Variants in CCDC102B observed in about 807,000 individuals in gnomAD.
CCDC102B encodes the protein coiled-coil domain containing 102B.
A neutral mutation model predicts 57.4 loss-of-function variants in CCDC102B; 75 were observed. The observed-to-expected ratio is 1.31, with a 90% CI of 1.08 to 1.58. CCDC102B has a LOEUF of 1.58. Among genes scored for constraint, CCDC102B ranks in the 40% most tolerant of loss-of-function variants. CCDC102B has a pLI of 0.00. For synonymous variants in CCDC102B, 206 were observed against 201.9 expected, an observed-to-expected ratio of 1.02 and a Z score of -0.17; for missense variants, 636 against 582.6, an observed-to-expected ratio of 1.09 and a Z score of -0.94.
intron 6 of CCDC102B, among the ~76,000 whole-genome samples, chr18:68,904,012 T>C (rs1201719142): frequency 6.6e-6 from 1 of 152,226 alleles, no homozygotes; most frequent in Non-Finnish European, 1.5e-5. Context: ...GGCAAACCTA[T>C]CAATTTGTTA....
intron 4 of CCDC102B, among the ~76,000 whole-genome samples, chr18:68,862,202 A>G (rs150351499): frequency 3.3e-5 from 5 of 152,340 alleles, no homozygotes; most frequent in African/African-American, 9.6e-5. Flanking sequence ...TGAATTATCT[A>G]TTGACCATGT....
intron 6 of CCDC102B, among the ~76,000 whole-genome samples, chr18:68,969,215 A>G (rs1047799635): frequency 3.3e-5 from 5 of 152,154 alleles, no homozygotes; most frequent in African/African-American, 1.2e-4. Flanking sequence ...GACTGAATCC[A>G]GACACCTCAT....
intron 6 of CCDC102B, among the ~76,000 whole-genome samples, chr18:68,990,314 G>A (rs1384690161): frequency 6.6e-6 from 1 of 152,122 alleles, no homozygotes; most frequent in Admixed American, 6.5e-5. Flanking sequence ...GCATTTCCTT[G>A]TGAATCTTCC....
At chr18:68,973,766 C>T (rs2050361045) in intron 6 of CCDC102B, among the ~76,000 whole-genome samples, 1 of 151,900 alleles carries the variant, frequency 6.6e-6, no homozygotes, top group African/African-American at 2.4e-5. Flanking sequence ...TATGTTTGTA[C>T]AAACAGTGTA....
intron 6 of CCDC102B, among the ~76,000 whole-genome samples, chr18:68,939,044 A>G (rs1251431434): frequency 1.3e-5 from 2 of 151,814 alleles, no homozygotes; most frequent in Admixed American, 1.3e-4. Context: ...TTTCTCTTGC[A>G]ACTAAACCTT....
At chr18:68,817,602 G>A (rs2036534119) in intron 1 of CCDC102B, among the ~76,000 whole-genome samples, 1 of 152,192 alleles carries the variant, frequency 6.6e-6, no homozygotes, top group Non-Finnish European at 1.5e-5. Context: ...AGCAGGCCCA[G>A]ACAATCTTGT....
intron 7 of CCDC102B, among the ~76,000 whole-genome samples, chr18:69,013,028 A>G (rs1318829766): frequency 6.7e-6 from 1 of 149,476 alleles, no homozygotes; most frequent in East Asian, 1.9e-4. Context: ...ATATCTACCT[A>G]AAGGAAAAAA....
At chr18:68,907,822 G>A (rs1470599442) in intron 6 of CCDC102B, among the ~76,000 whole-genome samples, 1 of 152,102 alleles carries the variant, frequency 6.6e-6, no homozygotes. Flanking sequence ...CTAGTACAAC[G>A]TTAAACAGCA....
chr18:69,043,412 G>C (rs972557758), intron 7 of CCDC102B, among the ~76,000 whole-genome samples: 1 of 152,018 alleles, frequency 6.6e-6, no homozygotes, highest in Admixed American at 6.6e-5. Flanking sequence ...TGGGTGTCGG[G>C]CTTGGGGACG....
rs928190555 is a variant in CCDC102B at position 68,931,513 on chromosome 18, A to G, written c.1263+34085A>G. Among the ~76,000 whole-genome samples the G allele has an allele frequency of 3.3e-5, 5 of 151,864 alleles. No homozygotes were observed. In the East Asian group the frequency reaches 7.8e-4, roughly 24 times the overall value. ...TTCGGTTGGGGGGTGTGAGAGGTGGAAACAATGTTACAGTAGTCTGTGGTC... is the reference window on the plus strand; with the variant it reads ...TTCGGTTGGGGGGTGTGAGAGGTGGGAACAATGTTACAGTAGTCTGTGGTC... On this transcript the variant is annotated intron_variant, in intron 6 of 7. Transcript: ENST00000360242.
At chr18:68,842,927 G>A (rs1256270661) in intron 3 of CCDC102B, among the ~76,000 whole-genome samples, 1 of 152,146 alleles carries the variant, frequency 6.6e-6, no homozygotes, top group African/African-American at 2.4e-5. Context: ...GACAGAGGAG[G>A]TTACAGGCAG....
At chr18:68,824,279 A>G (rs563874512) in intron 1 of CCDC102B, among the ~76,000 whole-genome samples, 3 of 152,330 alleles carry the variant, frequency 2.0e-5, no homozygotes, top group South Asian at 4.1e-4. Context: ...ATGGCTAGCC[A>G]GTTATCCCAG....
rs1393334746 is a variant in CCDC102B, at chr18:69,054,010, A to G, written c.1435-20A>G. On this transcript the variant is annotated intron_variant, in intron 7 of 7. Transcript: ENST00000360242. ...TAGAACACTTGAACCTAACTAAAGC[A>G]TTTTCTACTTCGCTTTCAGCTTGAT... 8.8e-6 allele frequency: 14 copies of G among 1,594,096 alleles called. No homozygotes were observed. The highest frequency in any genetic ancestry group is 1.2e-5 in the Non-Finnish European group (14 of 1,173,462).
intron 4 of CCDC102B, among the ~76,000 whole-genome samples, chr18:68,847,625 C>T (rs1758050740): frequency 6.6e-6 from 1 of 151,504 alleles, no homozygotes; most frequent in African/African-American, 2.4e-5. Context: ...CTTTTGGTAG[C>T]AAAGTAAGTG....
At chr18:68,973,591 C>T (rs1353234715) in intron 6 of CCDC102B, among the ~76,000 whole-genome samples, 1 of 152,018 alleles carries the variant, frequency 6.6e-6, no homozygotes, top group African/African-American at 2.4e-5. Context: ...AACATCATTA[C>T]AAATTTACTA....
At chr18:68,810,454 TC>T (rs1242219149) in intron 1 of CCDC102B, among the ~76,000 whole-genome samples, 2 of 152,146 alleles carry the variant, frequency 1.3e-5, no homozygotes, top group African/African-American at 4.8e-5. Flanking sequence ...GTTTACAATA[TC>T]ATTAGAAAAA....
At chr18:68,741,734 G>T (rs1215637578) in intron 2 of CCDC102B, among the ~76,000 whole-genome samples, 2 of 149,968 alleles carry the variant, frequency 1.3e-5, no homozygotes, top group Admixed American at 1.3e-4. Context: ...ATATAGAAAG[G>T]TTTATTGCTC....
At chr18:68,948,018 A>C (rs926566761) in intron 6 of CCDC102B, among the ~76,000 whole-genome samples, 1 of 152,080 alleles carries the variant, frequency 6.6e-6, no homozygotes, top group Non-Finnish European at 1.5e-5. Flanking sequence ...ACATTTTTAT[A>C]TTGTGCATCA....
intron 1 of CCDC102B, among the ~76,000 whole-genome samples, chr18:68,806,610 C>G (rs537693804): frequency 3.9e-4 from 59 of 152,086 alleles, no homozygotes; most frequent in Middle Eastern, 6.8e-3. Context: ...CTGTAAAATT[C>G]TCTGTGGAAA....
Sources: gnomAD v4.1 joint callset for allele counts (sites outside exome capture counted in the v4.1 genomes callset) on GRCh38, gnomAD v4.1.1 for gene constraint, MANE v1.5 for transcripts, NCBI Gene and HGNC (gene_info 2026-07-23, HGNC 2026-07-21) for gene names.